KPNA1: variants seen among roughly 807,000 people sequenced by gnomAD.
KPNA1 encodes the protein importin subunit alpha-5.
In KPNA1, 10 loss-of-function variants were observed where a neutral mutation model predicts 70.5. The observed-to-expected ratio is 0.14, with a 90% CI of 0.09 to 0.24. KPNA1 has a LOEUF of 0.24. Among genes scored for constraint, KPNA1 ranks in the 10% least tolerant of loss-of-function variants. The pLI is 1.00. For missense variants in KPNA1, 397 were observed against 637.9 expected (o/e 0.62, Z 4.07); for synonymous variants, 192 against 221.9 (o/e 0.87, Z 1.20).
intron 9 of KPNA1, among the ~76,000 whole-genome samples, chr3:122,447,962 GAC>G (rs1449975419): frequency 6.6e-6 from 1 of 151,994 alleles, no homozygotes; most frequent in Non-Finnish European, 1.5e-5. Context: ...GATATGAACA[GAC>G]ACTTCTCAAA....
At chr3:122,433,483 G>C (rs1250667371) in intron 12 of KPNA1, among the ~76,000 whole-genome samples, 178 bp downstream of exon 12, 2 of 152,132 alleles carry the variant, frequency 1.3e-5, no homozygotes, top group East Asian at 3.9e-4. Context: ...ATGACACCAA[G>C]GACAATTTCC....
intron 9 of KPNA1, among the ~76,000 whole-genome samples, chr3:122,447,785 G>A (rs903214704): frequency 1.3e-5 from 2 of 152,146 alleles, no homozygotes; most frequent in African/African-American, 4.8e-5. Context: ...CATCGTCTCA[G>A]CCCCAAATCT....
At chr3:122,477,509 G>A (rs2107475176) in intron 2 of KPNA1, among the ~76,000 whole-genome samples, 1 of 152,176 alleles carries the variant, frequency 6.6e-6, no homozygotes, top group Admixed American at 6.5e-5. Flanking sequence ...AGACTCACCT[G>A]GGCAACACAG....
chr3:122,434,716 A>G (rs945587650), intron 11 of KPNA1, among the ~76,000 whole-genome samples: 4 of 152,188 alleles, frequency 2.6e-5, no homozygotes, highest in Admixed American at 6.5e-5. Flanking sequence ...CTTTTACTCA[A>G]TCCCCTTCAT....
In KPNA1 at chr3:122,437,084, A is replaced by C. The variant is rs187291377; in HGVS notation, c.1122+86T>G. On this transcript the variant is annotated intron_variant, in intron 11 of 13. Transcript: ENST00000344337. ...CAGGAGCCACCGCACCCAGCCAAAA[A>C]CAAATGTGTTTTAAAGGGTGACTGA... 1.8e-5 allele frequency: 26 copies of C among 1,432,140 alleles called. No homozygotes were observed. In the Admixed American group the frequency reaches 4.4e-4, roughly 24 times the overall value. 88.7% of individuals were successfully genotyped at this position (1,432,140 alleles called of 1,614,324 possible). A position where few individuals can be genotyped will look rare whatever the true frequency, so the allele number is the denominator to read the frequency against.
At chr3:122,511,768 CT>C (rs1270357249) in intron 1 of KPNA1, among the ~76,000 whole-genome samples, 1 of 151,766 alleles carries the variant, frequency 6.6e-6, no homozygotes, top group African/African-American at 2.4e-5. Flanking sequence ...AAGGAGTTAT[CT>C]TTATCACTAG....
At chr3:122,479,395 T>C (rs1162772864) in intron 2 of KPNA1, among the ~76,000 whole-genome samples, 1 of 152,180 alleles carries the variant, frequency 6.6e-6, no homozygotes, top group Non-Finnish European at 1.5e-5. Context: ...CAGGAACTCA[T>C]ATTCATTGCC....
Position 122,508,123 on chromosome 3 carries a change from T to C in KPNA1, c.-6+6634A>G, listed in dbSNP as rs546903058. 2.2e-4 allele frequency among the ~76,000 whole-genome samples: 34 copies of C among 152,208 alleles called. No homozygotes were observed. In the South Asian group the frequency reaches 5.0e-3, roughly 22 times the overall value. On this transcript the variant is annotated intron_variant, in intron 1 of 13. Transcript: ENST00000344337. ...TAGACATGGTAGAATACTAAAATTA[T>C]AAAGAAATTTTTTTTTCAAATAAAT...
At chr3:122,442,349 T>C (rs2076076002) in intron 9 of KPNA1, among the ~76,000 whole-genome samples, 1 of 152,230 alleles carries the variant, frequency 6.6e-6, no homozygotes, top group African/African-American at 2.4e-5. Flanking sequence ...TTCCTAGGAA[T>C]CTTTCCCAGG....
At chr3:122,507,297 C>T (rs2076900580) in intron 1 of KPNA1, among the ~76,000 whole-genome samples, 1 of 151,814 alleles carries the variant, frequency 6.6e-6, no homozygotes, top group South Asian at 2.1e-4. Flanking sequence ...AAAAATTAGC[C>T]GGGCGTGGTG....
intron 2 of KPNA1, among the ~76,000 whole-genome samples, chr3:122,493,943 G>C (rs567772840): frequency 1.3e-5 from 2 of 151,914 alleles, no homozygotes; most frequent in East Asian, 3.9e-4. Context: ...CTTTTTTCAT[G>C]GCCACTTGTA....
intron 9 of KPNA1, among the ~76,000 whole-genome samples, chr3:122,447,859 A>C (rs1018194858): frequency 1.3e-5 from 2 of 152,168 alleles, no homozygotes; most frequent in African/African-American, 4.8e-5. Flanking sequence ...AAAAATCACA[A>C]GCATTCCTAT....
rs1445249234 is a variant in KPNA1, at chr3:122,442,071, T to C, written c.963A>G (p.Gly321=). Residue 321 remains glycine (G), a synonymous_variant, in exon 10 of 14, where the codon GGA becomes GGG. Coordinates refer to ENST00000344337, the MANE Select transcript of KPNA1 (RefSeq NM_002264.4). ...KVVSPALRAV[G]NIVTGDDIQT... is the part of the protein sequence containing the mutation. ...GAATATCATCCCCTGTGACAATGTTTCCCACAGCTCGCAAAGCAGGAGAAA... is the reference window on the plus strand; with the variant it reads ...GAATATCATCCCCTGTGACAATGTTCCCCACAGCTCGCAAAGCAGGAGAAA... The C allele has an allele frequency of 1.2e-6, 2 of 1,614,030 alleles. No individual in the cohort carries two copies. Among genetic ancestry groups the C allele is most frequent in the Admixed American group, 1.7e-5 (1 of 60,028 alleles).
intron 3 of KPNA1, among the ~76,000 whole-genome samples, chr3:122,465,124 C>T (rs1290728110): frequency 6.6e-6 from 1 of 152,142 alleles, no homozygotes; most frequent in Non-Finnish European, 1.5e-5. Flanking sequence ...GTATTGTTAA[C>T]TTTACATTAT....
chr3:122,452,603 AAGGAAGGG>A (rs2076218289), intron 6 of KPNA1, among the ~76,000 whole-genome samples: 1 of 68,444 alleles, frequency 1.5e-5, no homozygotes, highest in Non-Finnish European at 2.9e-5. Flanking sequence ...GGAAGGAAGG[AAGGAAGGG>A]AGGGAGGGAA....
intron 4 of KPNA1, among the ~76,000 whole-genome samples, chr3:122,462,314 C>T (rs1481257498): frequency 6.6e-6 from 1 of 151,990 alleles, no homozygotes; most frequent in African/African-American, 2.4e-5. Flanking sequence ...CAAACAAAAC[C>T]TAACAACAGT....
At chr3:122,489,256 G>C (rs2107490160) in intron 2 of KPNA1, among the ~76,000 whole-genome samples, 1 of 151,410 alleles carries the variant, frequency 6.6e-6, no homozygotes, top group South Asian at 2.1e-4. Flanking sequence ...AGTTCAAATT[G>C]AGTCTTTTTA....
intron 1 of KPNA1, among the ~76,000 whole-genome samples, chr3:122,508,352 T>C (rs1228035819): frequency 1.3e-5 from 2 of 152,288 alleles, no homozygotes; most frequent in African/African-American, 4.8e-5. Flanking sequence ...AGACAGATCA[T>C]CCAGGTACTA....
chr3:122,461,220 G>T lies in KPNA1; in HGVS notation c.432+4C>A. On this transcript the variant is annotated splice_donor_region_variant and intron_variant, in intron 5 of 13. Transcript: ENST00000344337. The stretch of plus-strand genomic sequence containing the variant: ...ATGAGGCAATAAATAAAAATTATTC[G>T]CACCTGCAGTGTACAATTCTCTTTT... The T allele has an allele frequency of 6.4e-7, 1 of 1,554,236 alleles. No homozygotes were observed. The highest frequency in any genetic ancestry group is 1.2e-5 in the South Asian group (1 of 83,316).
Sources: gnomAD v4.1 joint callset for allele counts (sites outside exome capture counted in the v4.1 genomes callset) on GRCh38, gnomAD v4.1.1 for gene constraint, MANE v1.5 for transcripts, NCBI Gene and HGNC (gene_info 2026-07-23, HGNC 2026-07-21) for gene names.